Variants in CACNA1C observed in about 807,000 individuals in gnomAD.
CACNA1C encodes the protein calcium voltage-gated channel subunit alpha1 C.
Under a neutral mutation model 229.0 loss-of-function variants are expected in CACNA1C, and 30 were observed. That is an observed-to-expected ratio of 0.13 (90% confidence interval 0.10 to 0.18). The LOEUF (loss-of-function observed/expected upper bound fraction) is 0.18. Among genes scored for constraint, CACNA1C ranks in the 10% least tolerant of loss-of-function variants. The probability of loss-of-function intolerance (pLI) is 1.00; values close to 1 mark genes in which losing one functional copy is unlikely to be tolerated. For synonymous variants in CACNA1C, 1,114 were observed against 1,132.5 expected (o/e 0.98, Z 0.33); for missense variants, 1,658 against 2,845.0 (o/e 0.58, Z 9.49).
rs766602725 is a variant in CACNA1C, at chr12:2,584,475, C to A, written c.2225-28C>A. On this transcript the variant is annotated intron_variant, in intron 15 of 46. Coordinates refer to ENST00000399655, the MANE Select transcript of CACNA1C (RefSeq NM_000719.7). The stretch of plus-strand genomic sequence containing the variant: ...CCCACCAAAACCCCAAACCAAGGGT[C>A]ATTTTCTTTAAGAATGGACACAAAC... 3.2e-6 allele frequency: 5 copies of A among 1,558,784 alleles called. No homozygotes were observed. The East Asian group carries it at 9.0e-5, about 28-fold the overall frequency.
At chr12:2,635,781 GT>G in intron 30 of CACNA1C, among the ~76,000 whole-genome samples, 2 of 152,208 alleles carry the variant, frequency 1.3e-5, no homozygotes, top group Middle Eastern at 3.4e-3. Flanking sequence ...TCTGAGAACT[GT>G]CTTTGTCCGG....
chr12:2,089,898 A>G (rs11062116), intron 1 of CACNA1C, among the ~76,000 whole-genome samples: 114,348 of 151,618 alleles, frequency 0.75, 43,773 homozygotes, highest in African/African-American at 0.81. Flanking sequence ...GCGTGGTGGC[A>G]GGCGCCTGTA....
Position 2,198,710 on chromosome 12 carries a change from G to T in CACNA1C, c.477+78280G>T, listed in dbSNP as rs562545003. Among the ~76,000 whole-genome samples, 27 of 152,230 alleles carry T rather than the reference G, an allele frequency of 1.8e-4. 1 individual carries two copies. In the South Asian group the frequency reaches 5.6e-3, roughly 32 times the overall value. Reference sequence around the variant, plus strand: ...GGGAGGTGGGGAGGGAGAGACAGGGGGTTCTGGCTAGGAAGGGAACGGGCA... The same window carrying T: ...GGGAGGTGGGGAGGGAGAGACAGGGTGTTCTGGCTAGGAAGGGAACGGGCA... On this transcript the variant is annotated intron_variant, in intron 3 of 46. Coordinates refer to ENST00000399655, the MANE Select transcript of CACNA1C (RefSeq NM_000719.7).
rs138025718 is a variant in CACNA1C, at chr12:2,047,848, C to T, written c.140-67376C>T. On this transcript the variant is annotated intron_variant, in intron 1 of 46. Transcript: ENST00000682462. ...CATCTGAGGATGGGTGTGAAGTTGCCGTAATGCCAAAAGGCCGGAGGAAAG... is the reference window on the plus strand; with the variant it reads ...CATCTGAGGATGGGTGTGAAGTTGCTGTAATGCCAAAAGGCCGGAGGAAAG... Among the ~76,000 whole-genome samples the T allele has an allele frequency of 2.8e-3, 419 of 152,202 alleles. 1 individual carries two copies. Among genetic ancestry groups the T allele is most frequent in the African/African-American group, 9.8e-3 (405 of 41,518 alleles).
chr12:2,256,166 C>T (rs2077648993), intron 3 of CACNA1C, among the ~76,000 whole-genome samples: 1 of 150,662 alleles, frequency 6.6e-6, no homozygotes, highest in African/African-American at 2.4e-5. Context: ...AATTCCTGTG[C>T]CTTACACTGG....
chr12:2,159,823 C>T (rs564763258), intron 3 of CACNA1C, among the ~76,000 whole-genome samples: 2 of 152,210 alleles, frequency 1.3e-5, no homozygotes, highest in East Asian at 1.9e-4. Flanking sequence ...AGGCTGGTAG[C>T]GAACTCCTGA....
chr12:2,265,036 G>A (rs1462571729), intron 3 of CACNA1C, among the ~76,000 whole-genome samples: 4 of 152,150 alleles, frequency 2.6e-5, no homozygotes, highest in Non-Finnish European at 2.9e-5. Context: ...GCTCTAGGAC[G>A]CCTGCCTGAT....
intron 1 of CACNA1C, among the ~76,000 whole-genome samples, chr12:2,047,234 G>C (rs755799104): frequency 6.6e-6 from 1 of 152,192 alleles, no homozygotes; most frequent in Non-Finnish European, 1.5e-5. Context: ...TCTTTGGCAG[G>C]GCTGTGGTGA....
chr12:2,202,314 A>T (rs2097601583), intron 3 of CACNA1C, among the ~76,000 whole-genome samples: 1 of 152,200 alleles, frequency 6.6e-6, no homozygotes, highest in Non-Finnish European at 1.5e-5. Context: ...TTGGGTGCAC[A>T]GGCTCTTACT....
At chr12:1,970,977 G>C in exon 1 of CACNA1C, 1 of 856,330 alleles carries the variant, frequency 1.2e-6, no homozygotes, top group Non-Finnish European at 1.6e-6. Context: ...ATAGCTTCTG[G>C]GTTTTAAAAA....
intron 3 of CACNA1C, among the ~76,000 whole-genome samples, chr12:2,230,503 CA>C (rs1391308261): frequency 6.6e-6 from 1 of 152,128 alleles, no homozygotes; most frequent in East Asian, 1.9e-4. Flanking sequence ...CCTGAGTGTC[CA>C]AAAGGCTAAG....
intron 1 of CACNA1C, chr12:2,011,098 C>G (rs2044332740): frequency 7.1e-6 from 1 of 140,390 alleles, no homozygotes; most frequent in Non-Finnish European, 1.5e-5. Context: ...TTGCAGGGAA[C>G]CAAGATTGCA....
chr12:2,213,420 C>T, intron 3 of CACNA1C, among the ~76,000 whole-genome samples: 1 of 152,146 alleles, frequency 6.6e-6, no homozygotes, highest in East Asian at 1.9e-4. Flanking sequence ...CTGTCTGTCC[C>T]ATGTGGTCTT....
rs540993714 is a variant in CACNA1C, at chr12:2,162,470, C to T, written c.477+42040C>T. Among the ~76,000 whole-genome samples, 15 of 152,042 alleles carry T rather than the reference C, an allele frequency of 9.9e-5. No homozygotes were observed. In the South Asian group the frequency reaches 3.1e-3, roughly 32 times the overall value. On this transcript the variant is annotated intron_variant, in intron 3 of 46. Transcript: ENST00000399655. ...TTCAGAGGGCAGTGGTCCATTTTTT[C>T]TTATCAGCCACAAAACAAAAAATAA... is the stretch of plus-strand genomic sequence containing the variant.
Position 1,998,666 on chromosome 12 carries a change from C to T in CACNA1C, c.139+27465C>T, listed in dbSNP as rs1031934116. On this transcript the variant is annotated intron_variant, in intron 1 of 46. Coordinates refer to the CACNA1C transcript ENST00000682462. ...TTAAAATGATGGTTTAACTAGGTCA[C>T]TTCACATTTCTTTTCCATTTCTCCA... Among the ~76,000 whole-genome samples the T allele has an allele frequency of 2.0e-5, 3 of 152,296 alleles. No individual in the cohort carries two copies. The South Asian group carries it at 6.2e-4, about 32-fold the overall frequency.
At chr12:2,058,400 A>T (rs1036418488) in intron 1 of CACNA1C, among the ~76,000 whole-genome samples, 1 of 152,220 alleles carries the variant, frequency 6.6e-6, no homozygotes, top group Non-Finnish European at 1.5e-5. Context: ...ACTGTTTGCG[A>T]AACACCTGGA....
chr12:2,139,440 C>T (rs1314863009), intron 3 of CACNA1C, among the ~76,000 whole-genome samples: 3 of 150,742 alleles, frequency 2.0e-5, no homozygotes, highest in Non-Finnish European at 4.5e-5. Context: ...CAGCAGCGAG[C>T]CCTGTGCAAG....
chr12:2,250,282 C>G (rs1302122394), intron 3 of CACNA1C, among the ~76,000 whole-genome samples: 2 of 152,184 alleles, frequency 1.3e-5, no homozygotes, highest in Non-Finnish European at 2.9e-5. Flanking sequence ...CATTTCCAAC[C>G]CTGGGCCGTT....
At chr12:2,432,488 G>C (rs532365604) in intron 3 of CACNA1C, among the ~76,000 whole-genome samples, 19 of 152,148 alleles carry the variant, frequency 1.2e-4, no homozygotes, top group Non-Finnish European at 2.1e-4. Flanking sequence ...CTGGGGTTCA[G>C]CTTCTTTTTC....
Sources: gnomAD v4.1 joint callset for allele counts (sites outside exome capture counted in the v4.1 genomes callset) on GRCh38, gnomAD v4.1.1 for gene constraint, MANE v1.5 for transcripts, NCBI Gene and HGNC (gene_info 2026-07-23, HGNC 2026-07-21) for gene names.